LRP1B: variants seen among roughly 807,000 people sequenced by gnomAD.
The protein encoded by LRP1B is low-density lipoprotein receptor-related protein 1B.
A neutral mutation model predicts 556.6 loss-of-function variants in LRP1B; 217 were observed. That is an observed-to-expected ratio of 0.39 (90% CI 0.35 to 0.44). LRP1B has a LOEUF of 0.44. Among genes scored for constraint, LRP1B ranks in the 20% least tolerant of loss-of-function variants. The probability of loss-of-function intolerance (pLI) is 1.00; values close to 1 mark genes in which losing one functional copy is unlikely to be tolerated. For synonymous variants in LRP1B, 2,047 were observed against 1,865.8 expected, an observed-to-expected ratio of 1.10 and a Z score of -2.50; for missense variants, 5,053 against 5,620.8, an observed-to-expected ratio of 0.90 and a Z score of 3.23.
At chr2:141,956,428 G>T (rs1701254792) in intron 1 of LRP1B, among the ~76,000 whole-genome samples, 1 of 151,892 alleles carries the variant, frequency 6.6e-6, no homozygotes, top group Admixed American at 6.6e-5. Context: ...CTAATATGTG[G>T]TTGGTCTTTT....
chr2:141,352,823 A>G (rs145149405), intron 3 of LRP1B, among the ~76,000 whole-genome samples: 1,780 of 152,092 alleles, frequency 0.012, 24 homozygotes, highest in Middle Eastern at 0.02. Flanking sequence ...TTGGTTTCCC[A>G]ATAACCACAA....
intron 2 of LRP1B, among the ~76,000 whole-genome samples, chr2:141,484,672 C>T (rs1399317111): frequency 6.6e-6 from 1 of 151,964 alleles, no homozygotes; most frequent in East Asian, 1.9e-4. Context: ...TTGAAGAGGT[C>T]CTTCACATCC....
intron 77 of LRP1B, among the ~76,000 whole-genome samples, chr2:140,341,081 T>TTA (rs1681367288): frequency 6.6e-6 from 1 of 151,606 alleles, no homozygotes; most frequent in Non-Finnish European, 1.5e-5. Context: ...AACAGGAATT[T>TTA]TAGTCTTTGA....
At chr2:141,794,157 G>A (rs1280472496) in intron 2 of LRP1B, among the ~76,000 whole-genome samples, 3 of 151,932 alleles carry the variant, frequency 2.0e-5, no homozygotes, top group Non-Finnish European at 4.4e-5. Flanking sequence ...CATCTTGAAT[G>A]TGGGCATGAC....
At chr2:141,211,023 C>T (rs144578139) in intron 6 of LRP1B, among the ~76,000 whole-genome samples, 19 of 152,126 alleles carry the variant, frequency 1.2e-4, no homozygotes, top group South Asian at 2.1e-4. Context: ...AGTCTCGCTC[C>T]GTCACCCAGG....
At chr2:141,394,494 T>C (rs1369773593) in intron 3 of LRP1B, among the ~76,000 whole-genome samples, 1 of 152,108 alleles carries the variant, frequency 6.6e-6, no homozygotes, top group Non-Finnish European at 1.5e-5. Context: ...TTTTGAAATC[T>C]TGAAATTTTC....
At position 141,736,351 on chromosome 2, in the gene LRP1B, T is replaced by G. The variant is rs1054898532; in HGVS notation, c.205+73928A>C. Among the ~76,000 whole-genome samples the G allele has an allele frequency of 3.3e-5, 5 of 152,136 alleles. 1 individual carries two copies. Among genetic ancestry groups the G allele is most frequent in the Admixed American group, 2.6e-4 (4 of 15,256 alleles). On this transcript the variant is annotated intron_variant, in intron 2 of 90. Coordinates refer to ENST00000389484, the MANE Select transcript of LRP1B (RefSeq NM_018557.3). ...CTGGTACTTGTGAATATAACCTTAT[T>G]TAAAAATAGTGTTATTGCAGATGTA... is the stretch of plus-strand genomic sequence containing the variant.
At position 140,950,335 on chromosome 2, in the gene LRP1B, T is replaced by C; in HGVS notation, c.3036A>G (p.Arg1012=). ...CTGGGATGCATCTGCCACTGGAACA[T>C]CTGAACTGATTATCAAAGCAAGAGT... ...CVHSCFDNQF[R]CSSGRCIPGH... is the part of the protein sequence containing the mutation. The change falls in exon 20 of 91, where the codon AGA becomes AGG. Residue 1012 remains arginine, a synonymous_variant. Coordinates refer to ENST00000389484, the MANE Select transcript of LRP1B (RefSeq NM_018557.3). The C allele has an allele frequency of 6.2e-7, 1 of 1,612,864 alleles. No individual in the cohort carries two copies. Among genetic ancestry groups the C allele is most frequent in the Non-Finnish European group, 8.5e-7 (1 of 1,179,430 alleles).
chr2:142,059,066 T>A (rs1191149511), intron 1 of LRP1B, among the ~76,000 whole-genome samples: 1 of 152,092 alleles, frequency 6.6e-6, no homozygotes, highest in Non-Finnish European at 1.5e-5. Context: ...TGAATGACAA[T>A]ATGCACATTT....
chr2:141,307,894 A>T (rs1043881514), intron 3 of LRP1B, among the ~76,000 whole-genome samples: 23 of 152,114 alleles, frequency 1.5e-4, no homozygotes, highest in African/African-American at 5.3e-4. Flanking sequence ...GGCACGGGTG[A>T]TGGCAGTACC....
chr2:140,627,929 T>A (rs114952597), intron 41 of LRP1B, among the ~76,000 whole-genome samples: 6,258 of 152,276 alleles, frequency 0.041, 179 homozygotes, highest in Middle Eastern at 0.082. Flanking sequence ...CTGCCTGAAG[T>A]CTGAAGTCTA....
rs202215154 is a variant in LRP1B at position 141,443,945 on chromosome 2, G to GT, written c.343+36450dup. On this transcript the variant is annotated intron_variant, in intron 3 of 90. Coordinates refer to ENST00000389484, the MANE Select transcript of LRP1B (RefSeq NM_018557.3). ...TTGGTTCCCTATAAAATTTAAAGTA[G>GT]TTTTTTTTTCTAATTCTGTGAAGAA... 3.7e-4 allele frequency among the ~76,000 whole-genome samples: 56 copies of GT among 151,430 alleles called. No individual in the cohort carries two copies. In the South Asian group the frequency reaches 5.0e-3, roughly 14 times the overall value.
chr2:140,632,299 A>G, intron 41 of LRP1B, among the ~76,000 whole-genome samples: 1 of 152,158 alleles, frequency 6.6e-6, no homozygotes, highest in East Asian at 1.9e-4. Flanking sequence ...AATAATAGAA[A>G]CAATACAGTG....
intron 43 of LRP1B, among the ~76,000 whole-genome samples, chr2:140,546,091 G>T (rs1242344099): frequency 6.6e-6 from 1 of 151,320 alleles, no homozygotes; most frequent in Non-Finnish European, 1.5e-5. Flanking sequence ...TTTGGTAGTT[G>T]TTAGTGTACA....
At chr2:141,590,798 T>A (rs912624412) in intron 2 of LRP1B, among the ~76,000 whole-genome samples, 4 of 152,120 alleles carry the variant, frequency 2.6e-5, no homozygotes, top group Non-Finnish European at 5.9e-5. Context: ...GTAAAATCAT[T>A]GCCACATGAC....
intron 47 of LRP1B, among the ~76,000 whole-genome samples, chr2:140,529,438 G>GA (rs918716830): frequency 3.5e-5 from 4 of 115,084 alleles, no homozygotes. Context: ...GAAAAGGGGG[G>GA]GGGGAAGCAT....
chr2:140,597,174 C>T (rs1011851719), intron 43 of LRP1B, among the ~76,000 whole-genome samples: 4 of 152,028 alleles, frequency 2.6e-5, no homozygotes, highest in Non-Finnish European at 4.4e-5. Flanking sequence ...TTTCTAACTT[C>T]GGGGCCCAAT....
chr2:140,791,097 T>G (rs1690104080), intron 32 of LRP1B, among the ~76,000 whole-genome samples: 1 of 151,816 alleles, frequency 6.6e-6, no homozygotes, highest in South Asian at 2.1e-4. Context: ...CTACTAAAAA[T>G]ACAAAAATTA....
intron 18 of LRP1B, among the ~76,000 whole-genome samples, chr2:140,965,199 G>T (rs144394066): frequency 1.3e-5 from 2 of 152,160 alleles, no homozygotes; most frequent in African/African-American, 4.8e-5. Context: ...AAGGTACATC[G>T]AATTCTAACC....
Sources: gnomAD v4.1 joint callset for allele counts (sites outside exome capture counted in the v4.1 genomes callset) on GRCh38, gnomAD v4.1.1 for gene constraint, MANE v1.5 for transcripts, NCBI Gene and HGNC (gene_info 2026-07-23, HGNC 2026-07-21) for gene names.